WDR45B: variants seen among roughly 807,000 people sequenced by gnomAD.
The protein encoded by WDR45B is WD repeat domain 45B, also known as WD repeat domain phosphoinositide-interacting protein 3.
WDR45B carries 20 observed loss-of-function variants against 44.6 expected under a neutral mutation model. The observed-to-expected ratio is 0.45, with a 90% confidence interval of 0.32 to 0.65. The LOEUF (loss-of-function observed/expected upper bound fraction) is 0.65, where lower values mean the gene tolerates loss of function less well. WDR45B is among the 30% of genes least tolerant of loss of function. The pLI, the probability that WDR45B is intolerant of heterozygous loss-of-function variation, is 0.05. For missense variants in WDR45B, 323 were observed against 430.2 expected (o/e 0.75, Z 2.20); for synonymous variants, 169 against 164.9 (o/e 1.02, Z -0.19).
intron 2 of WDR45B, among the ~76,000 whole-genome samples, chr17:82,642,579 G>A (rs895668980): frequency 6.6e-6 from 1 of 152,194 alleles, no homozygotes; most frequent in African/African-American, 2.4e-5. Context: ...TCAGTCTGAA[G>A]TTTAGGAGGC....
chr17:82,625,788 A>C, intron 4 of WDR45B: 1 of 396,254 alleles, frequency 2.5e-6, no homozygotes, highest in Non-Finnish European at 4.7e-6. Context: ...AGCAAAACAG[A>C]CAGAAGTGAT....
chr17:82,643,577 A>G (rs1242111901), intron 2 of WDR45B, among the ~76,000 whole-genome samples: 1 of 152,204 alleles, frequency 6.6e-6, no homozygotes, highest in Non-Finnish European at 1.5e-5. Flanking sequence ...GACTTACAAA[A>G]TAAACTCCCA....
intron 6 of WDR45B, among the ~76,000 whole-genome samples, chr17:82,619,518 C>T (rs1205705381): frequency 6.7e-6 from 1 of 150,364 alleles, no homozygotes; most frequent in African/African-American, 2.5e-5. Flanking sequence ...CCTCAGATAG[C>T]TAGGAAAAGC....
intron 2 of WDR45B, among the ~76,000 whole-genome samples, chr17:82,631,563 A>G (rs77234145): frequency 0.058 from 2,749 of 47,148 alleles, no homozygotes; most frequent in Middle Eastern, 0.13. Flanking sequence ...GGGACTACAG[A>G]CATGAGCCAC....
In WDR45B at chr17:82,618,425, TCAGA is replaced by T. The variant is rs142293976; in HGVS notation, c.704+614_704+617del. ...CCTCTCAGACTGTAACAGGCTGGAA[TCAGA>T]CAAACCAACATGGTCTCCAGCATTG... is the stretch of plus-strand genomic sequence containing the variant. On this transcript the variant is annotated intron_variant, in intron 7 of 9. Coordinates refer to ENST00000392325, the MANE Select transcript of WDR45B (RefSeq NM_019613.4). Among the ~76,000 whole-genome samples, 588 of 152,252 alleles carry T rather than the reference TCAGA, an allele frequency of 3.9e-3. 6 individuals carry two copies. Among genetic ancestry groups the T allele is most frequent in the African/African-American group, 0.014 (569 of 41,550 alleles).
At chr17:82,641,372 G>T (rs2045913412) in intron 2 of WDR45B, among the ~76,000 whole-genome samples, 1 of 152,186 alleles carries the variant, frequency 6.6e-6, no homozygotes, top group Non-Finnish European at 1.5e-5. Context: ...ACACATACAG[G>T]TTTTCACCCA....
At chr17:82,641,889 C>T (rs954889616) in intron 2 of WDR45B, among the ~76,000 whole-genome samples, 2 of 150,660 alleles carry the variant, frequency 1.3e-5, no homozygotes, top group Non-Finnish European at 2.9e-5. Context: ...CAGAGCGAGA[C>T]AACGTCAGAG....
rs907127679 is a variant in WDR45B at position 82,647,186 on chromosome 17, A to T, written c.67+1088T>A. The stretch of plus-strand genomic sequence containing the variant: ...GGAGGTTGCAGTGAGTCGAGATCGC[A>T]CCAGGCTGGGCGACAGAATGAGACT... On this transcript the variant is annotated intron_variant, in intron 1 of 9. Coordinates refer to ENST00000392325, the MANE Select transcript of WDR45B (RefSeq NM_019613.4). 1.7e-4 allele frequency among the ~76,000 whole-genome samples: 25 copies of T among 149,718 alleles called. No individual in the cohort carries two copies. The South Asian group carries it at 2.6e-3, about 15-fold the overall frequency.
rs35292042 is a variant in WDR45B, at chr17:82,617,614, CA to C, written c.705-218del. 6 of 583,728 alleles carry C rather than the reference CA, an allele frequency of 1.0e-5. No homozygotes were observed. The Admixed American group carries it at 1.5e-4, about 14-fold the overall frequency. 36.2% of individuals were successfully genotyped at this position (583,728 alleles called of 1,614,324 possible). On this transcript the variant is annotated intron_variant, in intron 7 of 9. Coordinates refer to ENST00000392325, the MANE Select transcript of WDR45B (RefSeq NM_019613.4). ...ACAGCCACAATCCAGTGTATCACGG[CA>C]AGTTTTCCTTGGGTGCCCCACAAAT...
At chr17:82,643,544 T>C (rs1463165746) in intron 2 of WDR45B, among the ~76,000 whole-genome samples, 2 of 152,032 alleles carry the variant, frequency 1.3e-5, no homozygotes, top group African/African-American at 4.8e-5. Flanking sequence ...ACAGCATGGA[T>C]GCAGGCTGAG....
At chr17:82,640,015 C>T (rs1424285832) in intron 2 of WDR45B, among the ~76,000 whole-genome samples, 1 of 90,664 alleles carries the variant, frequency 1.1e-5, no homozygotes, top group Non-Finnish European at 2.3e-5. Context: ...AAGAACAAAC[C>T]TGGGTGTACA....
chr17:82,640,060 G>A (rs1389649253), intron 2 of WDR45B, among the ~76,000 whole-genome samples: 2 of 136,796 alleles, frequency 1.5e-5, no homozygotes, highest in Non-Finnish European at 3.2e-5. Flanking sequence ...AGCAGGGTTG[G>A]ACAACACTGC....
At position 82,648,350 on chromosome 17, in the gene WDR45B, G is replaced by A. The variant is rs2046009705; in HGVS notation, c.-10C>T. The A allele has an allele frequency of 6.2e-6, 10 of 1,604,666 alleles. No homozygotes were observed. The highest frequency in any genetic ancestry group is 1.7e-5 in the Admixed American group (1 of 59,640). The stretch of plus-strand genomic sequence containing the variant: ...ACGGCAGGAGGTTCATGGCGCCGCC[G>A]TGCTGGGTCGCCGCTCCTCAGCGCT... On this transcript the variant is annotated 5_prime_UTR_variant, in exon 1 of 10. It adds an upstream start codon to the 5' untranslated region. Transcript: ENST00000392325.
At chr17:82,646,809 A>T (rs531833452) in intron 1 of WDR45B, among the ~76,000 whole-genome samples, 1 of 152,190 alleles carries the variant, frequency 6.6e-6, no homozygotes, top group African/African-American at 2.4e-5. Context: ...CATCTCCCTT[A>T]CCATCTCAGC....
intron 4 of WDR45B, chr17:82,626,104 A>T (rs1037558326): frequency 1.9e-5 from 3 of 157,066 alleles, no homozygotes; most frequent in African/African-American, 7.2e-5. Flanking sequence ...GCTGGTCTCT[A>T]ACTCCTGACC....
intron 2 of WDR45B, among the ~76,000 whole-genome samples, chr17:82,641,189 A>C (rs533075581): frequency 1.3e-5 from 2 of 151,666 alleles, no homozygotes; most frequent in African/African-American, 4.8e-5. Context: ...CTGGTCTCGA[A>C]CTCCTGAGCT....
intron 5 of WDR45B, among the ~76,000 whole-genome samples, chr17:82,623,841 C>CA (rs2045654264): frequency 6.6e-6 from 1 of 152,058 alleles, no homozygotes; most frequent in African/African-American, 2.4e-5. Flanking sequence ...CGCCAGTCCT[C>CA]AGAGAAATGC....
At chr17:82,629,418 G>C in intron 3 of WDR45B, 4 of 805,470 alleles carry the variant, frequency 5.0e-6, no homozygotes, top group Non-Finnish European at 6.0e-6. Flanking sequence ...TGGAACCTCC[G>C]CTGTCCCTTC....
At chr17:82,623,144 C>A (rs1248829852) in intron 5 of WDR45B, among the ~76,000 whole-genome samples, 2 of 152,194 alleles carry the variant, frequency 1.3e-5, no homozygotes, top group African/African-American at 4.8e-5. Flanking sequence ...GTAATCCCAG[C>A]ACTTTGGGAG....
Sources: allele counts gnomAD v4.1 joint callset (sites outside exome capture counted in the v4.1 genomes callset), GRCh38; gene constraint gnomAD v4.1.1; transcripts MANE v1.5; gene names NCBI Gene and HGNC (gene_info 2026-07-23, HGNC 2026-07-21).